Variants in TRPM5 observed in about 807,000 individuals in gnomAD.
TRPM5 encodes the protein MLSN1 and TRP-related.
A neutral mutation model predicts 124.9 loss-of-function variants in TRPM5; 121 were observed. The observed-to-expected ratio is 0.97, with a 90% CI of 0.84 to 1.13. The LOEUF (loss-of-function observed/expected upper bound fraction) is 1.13. Ranked by LOEUF, TRPM5 falls within the 50% of genes most tolerant of loss-of-function variation. The pLI, the probability that TRPM5 is intolerant of heterozygous loss-of-function variation, is 0.00. For synonymous variants in TRPM5, 781 were observed against 700.5 expected (o/e 1.11, Z -1.81); for missense variants, 1,643 against 1,589.1 (o/e 1.03, Z -0.58).
chr11:2,413,418 A>T, intron 13 of TRPM5, 58 bp downstream of exon 18: 1 of 1,499,928 alleles, frequency 6.7e-7, no homozygotes, highest in African/African-American at 1.4e-5. Flanking sequence ...CCCTCCCCGT[A>T]GCTCCGGCAC....
chr11:2,440,714 T>G, the TRPM5 span, among the ~76,000 whole-genome samples: 1 of 152,178 alleles, frequency 6.6e-6, no homozygotes, highest in South Asian at 2.1e-4. This position sits in a 1 kb window ranked among gnomAD's most constrained non-coding sequence, Gnocchi z 5.2. Context: ...GAACAGCGCC[T>G]GGCACTCAGC....
At chr11:2,411,373 T>C in exon 18 of TRPM5, 2 of 1,606,830 alleles carry the variant, frequency 1.2e-6, no homozygotes, top group South Asian at 1.1e-5. Flanking sequence ...TCCAGTGGGA[T>C]CTGGCCGAAG....
chr11:2,433,220 A>C, the TRPM5 span, among the ~76,000 whole-genome samples: 1 of 152,224 alleles, frequency 6.6e-6, no homozygotes, highest in African/African-American at 2.4e-5. Context: ...TGCCCATAGC[A>C]ATGCCGCCAT....
At chr11:2,406,176 T>C in intron 21 of TRPM5, 85 bp from the exon 27 acceptor site, 1 of 1,485,514 alleles carries the variant, frequency 6.7e-7, no homozygotes, top group Middle Eastern at 1.7e-4. Flanking sequence ...CAGGCCTCCC[T>C]GTGTGCCCGA....
rs1421752212 is a variant in TRPM5 at position 2,417,730 on chromosome 11, TCA to T, written c.1004_1005del (p.Val335GlufsTer16). 1 of 1,066,722 alleles carries T rather than the reference TCA, an allele frequency of 9.4e-7. No individual in the cohort carries two copies. Among genetic ancestry groups the T allele is most frequent in the Non-Finnish European group, 1.4e-6 (1 of 739,230 alleles). The allele number at this position is 1,066,722 out of a possible 1,614,324, so 66.1% of individuals were successfully genotyped here. A position where few individuals can be genotyped will look rare whatever the true frequency, so the allele number is the denominator to read the frequency against. ...TGCCCACCCTGCCCGCCCTCACCTT[TCA>T]CCAGCGCCTTCAGGATGACCGTGTC... On this transcript the variant is annotated frameshift_variant, in exon 7 of 24. Transcript: ENST00000155858. LOFTEE classifies it high-confidence loss of function.
At chr11:2,427,078 T>G (rs1017736196), upstream of TRPM5, among the ~76,000 whole-genome samples, 1 of 152,108 alleles carries the variant, frequency 6.6e-6, no homozygotes, top group Non-Finnish European at 1.5e-5. Flanking sequence ...CTTCCAGCAC[T>G]GGGCAGCCCC....
At chr11:2,434,798 T>C in the TRPM5 span, among the ~76,000 whole-genome samples, 2 of 152,226 alleles carry the variant, frequency 1.3e-5, no homozygotes, top group East Asian at 1.9e-4. Flanking sequence ...AGTGTGAGCA[T>C]TGGGCCAGGA....
the TRPM5 span, among the ~76,000 whole-genome samples, chr11:2,440,544 C>T: frequency 3.3e-5 from 5 of 152,130 alleles, no homozygotes; most frequent in African/African-American, 1.2e-4. The surrounding 1 kb of genome is among the most constrained non-coding windows in gnomAD (Gnocchi z 5.2). Flanking sequence ...CAGCAAATGC[C>T]TCCCAGATTT....
intron 7 of TRPM5, among the ~76,000 whole-genome samples, chr11:2,417,135 G>A (rs1462456185): frequency 2.6e-5 from 4 of 152,090 alleles, no homozygotes; most frequent in South Asian, 2.1e-4. Flanking sequence ...AGTGATGGTC[G>A]CCCCACCTCA....
the TRPM5 span, among the ~76,000 whole-genome samples, chr11:2,443,103 G>A: frequency 1.3e-5 from 2 of 152,096 alleles, no homozygotes; most frequent in Admixed American, 1.3e-4. The surrounding 1 kb of genome is among the most constrained non-coding windows in gnomAD (Gnocchi z 5.0). Context: ...ATGTTTTCCC[G>A]ATTCACAGGT....
In TRPM5 at chr11:2,415,496, G is replaced by A. The variant is rs770561523; in HGVS notation, c.1129-25C>T. ...ACTTGGCGGCCATGGGCACCCGAGG[G>A]AAGGGGGACAAGAGAGTGAGCGAGA... On this transcript the variant is annotated intron_variant, in intron 8 of 23. Coordinates refer to ENST00000155858, the Ensembl canonical transcript of TRPM5. 4.0e-6 allele frequency: 6 copies of A among 1,485,188 alleles called. No individual in the cohort carries two copies. The East Asian group carries it at 9.5e-5, about 23-fold the overall frequency. The allele number at this position is 1,485,188 out of a possible 1,614,324, so 92.0% of individuals were successfully genotyped here.
chr11:2,414,257 G>GCCCCCGACGCCCCTCCTCCAT, intron 11 of TRPM5, 51 bp from the exon 17 acceptor site: 1 of 1,555,932 alleles, frequency 6.4e-7, no homozygotes, highest in Non-Finnish European at 8.7e-7. Flanking sequence ...GCCCGGCCCG[G>GCCCCCGACGCCCCTCCTCCAT]CCCCCGACGC....
At chr11:2,414,008 C>CT in intron 12 of TRPM5, 53 bp downstream of exon 17, 1 of 1,038,782 alleles carries the variant, frequency 9.6e-7, no homozygotes, top group South Asian at 1.4e-5. Flanking sequence ...GGGCCCAGCT[C>CT]GCCCGCCCAC....
intron 11 of TRPM5, 78 bp from the exon 17 acceptor site, chr11:2,414,284 G>A (rs1047746948): frequency 2.2e-5 from 34 of 1,518,200 alleles, no homozygotes; most frequent in Non-Finnish European, 2.9e-5. Flanking sequence ...TCCATCCCCT[G>A]CCCAGACCTG....
At chr11:2,443,033 C>G in the TRPM5 span, among the ~76,000 whole-genome samples, 1 of 152,134 alleles carries the variant, frequency 6.6e-6, no homozygotes, top group Non-Finnish European at 1.5e-5. The surrounding 1 kb of genome is among the most constrained non-coding windows in gnomAD (Gnocchi z 5.0). Context: ...GCTAATGGTG[C>G]TTCTATTTTA....
At chr11:2,428,947 CA>C in the TRPM5 span, among the ~76,000 whole-genome samples, 1 of 68,950 alleles carries the variant, frequency 1.5e-5, no homozygotes, top group African/African-American at 1.7e-4. This position sits in a 1 kb window ranked among gnomAD's most constrained non-coding sequence, Gnocchi z 4.0. Context: ...TGGTAATAAT[CA>C]TGGGATGATG....
At chr11:2,414,685 C>T (rs763893216) in intron 11 of TRPM5, 30 bp downstream of exon 16, 43 of 1,515,424 alleles carry the variant, frequency 2.8e-5, no homozygotes, top group Admixed American at 1.7e-4. Flanking sequence ...CCCCCGCGCG[C>T]GGGCCCGGCC....
chr11:2,407,439 G>T (rs1850346589), intron 19 of TRPM5, 139 bp from the exon 25 acceptor site: 1 of 839,810 alleles, frequency 1.2e-6, no homozygotes, highest in African/African-American at 1.7e-5. Context: ...CCTCTGGGGT[G>T]TGTCACGAGG....
At chr11:2,437,855 G>A in the TRPM5 span, among the ~76,000 whole-genome samples, 1 of 152,140 alleles carries the variant, frequency 6.6e-6, no homozygotes, top group Admixed American at 6.5e-5. The surrounding 1 kb of genome is among the most constrained non-coding windows in gnomAD (Gnocchi z 5.6). Context: ...TAGGGAATAG[G>A]TGAGGCAGTG....
Sources: allele counts gnomAD v4.1 joint callset (sites outside exome capture counted in the v4.1 genomes callset), GRCh38; gene constraint gnomAD v4.1.1; non-coding constraint Gnocchi (gnomAD v3.1); transcripts MANE v1.5; gene names NCBI Gene and HGNC (gene_info 2026-07-23, HGNC 2026-07-21).